OPCML: variants seen among roughly 807,000 people sequenced by gnomAD.
The protein encoded by OPCML is opioid-binding protein/cell adhesion molecule.
Under a neutral mutation model 37.8 loss-of-function variants are expected in OPCML, and 13 were observed. The ratio of observed to expected loss-of-function variants is 0.34; its 90% confidence interval spans 0.22 to 0.55. The LOEUF is 0.55. OPCML is among the 20% of genes least tolerant of loss of function. OPCML has a pLI of 0.91. For missense variants in OPCML, 341 were observed against 435.6 expected, an observed-to-expected ratio of 0.78 and a Z score of 1.93; for synonymous variants, 176 against 168.8, an observed-to-expected ratio of 1.04 and a Z score of -0.33.
chr11:133,205,220 G>C lies in OPCML; in HGVS notation c.62-262210C>G, dbSNP rs959417844. 6.6e-6 allele frequency among the ~76,000 whole-genome samples: 1 copy of C among 152,006 alleles called. No homozygotes were observed. Among genetic ancestry groups the C allele is most frequent in the South Asian group, 2.1e-4 (1 of 4,812 alleles). The stretch of plus-strand genomic sequence containing the variant: ...CTTTGATAAAAAACCCAAAAGGCAG[G>C]GTTTGAAGAGCTTCTGGTTGCTGAA... On this transcript the variant is annotated intron_variant, in intron 1 of 7. Coordinates refer to ENST00000524381, the MANE Select transcript of OPCML (RefSeq NM_001012393.5). The surrounding 1 kb of genome is among the most constrained non-coding windows in gnomAD (Gnocchi z 4.8).
chr11:133,099,607 T>C (rs1246363921), intron 1 of OPCML, among the ~76,000 whole-genome samples: 1 of 152,040 alleles, frequency 6.6e-6, no homozygotes, highest in Non-Finnish European at 1.5e-5. Flanking sequence ...ATAACAGCCA[T>C]TCTGACCTGG....
intron 1 of OPCML, among the ~76,000 whole-genome samples, chr11:133,442,726 CGTGTGTGTGTGT>C (rs371441649): frequency 8.5e-5 from 12 of 141,350 alleles, no homozygotes; most frequent in South Asian, 2.4e-4. Flanking sequence ...CATATTTAAA[CGTGTGTGTGTGT>C]GTGTGTGTGT....
At chr11:133,158,207 G>A (rs1432529238) in intron 1 of OPCML, among the ~76,000 whole-genome samples, 1 of 152,098 alleles carries the variant, frequency 6.6e-6, no homozygotes, top group Non-Finnish European at 1.5e-5. Flanking sequence ...AGAAGGTGTG[G>A]CAAGTCCCTT....
At chr11:132,749,805 T>C (rs1171070147) in intron 2 of OPCML, among the ~76,000 whole-genome samples, 1 of 152,184 alleles carries the variant, frequency 6.6e-6, no homozygotes, top group South Asian at 2.1e-4. Flanking sequence ...TGGGTCCAAG[T>C]GAAGAAACAG....
chr11:132,722,953 G>A (rs1405835096), intron 2 of OPCML, among the ~76,000 whole-genome samples: 1 of 152,200 alleles, frequency 6.6e-6, no homozygotes, highest in African/African-American at 2.4e-5. Flanking sequence ...AGGGGACAGT[G>A]AGAGATGGAG....
At chr11:133,490,378 CA>C (rs1471445396) in intron 1 of OPCML, among the ~76,000 whole-genome samples, 2 of 152,154 alleles carry the variant, frequency 1.3e-5, no homozygotes, top group Admixed American at 6.5e-5. Context: ...TATACTTGAA[CA>C]TTGTATATTC....
chr11:132,769,063 G>A (rs1946550666), intron 2 of OPCML, among the ~76,000 whole-genome samples: 2 of 151,572 alleles, frequency 1.3e-5, no homozygotes, highest in Admixed American at 6.6e-5. Flanking sequence ...TCTGTGAGGT[G>A]AGGAGGCTGC....
At chr11:133,526,446 G>A (rs1163879771) in intron 1 of OPCML, among the ~76,000 whole-genome samples, 2 of 152,204 alleles carry the variant, frequency 1.3e-5, no homozygotes, top group Non-Finnish European at 2.9e-5. Flanking sequence ...GCAGGAAGGG[G>A]CATGCATCTA....
At chr11:133,520,718 A>G (rs1373923609) in intron 1 of OPCML, among the ~76,000 whole-genome samples, 1 of 152,184 alleles carries the variant, frequency 6.6e-6, no homozygotes, top group East Asian at 1.9e-4. Context: ...GGCAGGCATT[A>G]TCAGCCAGGC....
intron 4 of OPCML, among the ~76,000 whole-genome samples, chr11:132,489,927 G>A (rs949048484): frequency 2.6e-5 from 4 of 152,116 alleles, no homozygotes; most frequent in Admixed American, 6.5e-5. Context: ...ATTTATGAGT[G>A]AGAACATGCA....
At chr11:132,765,951 A>T (rs1334269859) in intron 2 of OPCML, among the ~76,000 whole-genome samples, 1 of 152,190 alleles carries the variant, frequency 6.6e-6, no homozygotes, top group Non-Finnish European at 1.5e-5. Context: ...ATGTGCAAAA[A>T]ATAATGAGCA....
chr11:132,424,871 A>G (rs1189141122), intron 7 of OPCML, among the ~76,000 whole-genome samples: 1 of 152,196 alleles, frequency 6.6e-6, no homozygotes, highest in Non-Finnish European at 1.5e-5. Flanking sequence ...GCTTGTTTAG[A>G]TAGTTCCAAA....
chr11:133,157,247 C>G (rs1165245680), intron 1 of OPCML, among the ~76,000 whole-genome samples: 3 of 152,168 alleles, frequency 2.0e-5, no homozygotes, highest in African/African-American at 7.2e-5. Context: ...AAAACCATCA[C>G]AAGACCTTAC....
chr11:133,093,721 G>A (rs867132906), intron 1 of OPCML, among the ~76,000 whole-genome samples: 2 of 152,046 alleles, frequency 1.3e-5, no homozygotes, highest in East Asian at 1.9e-4. Flanking sequence ...GTGTCTGACT[G>A]ACGTTGAATA....
At chr11:133,457,932 G>A (rs531750437) in intron 1 of OPCML, among the ~76,000 whole-genome samples, 6 of 151,980 alleles carry the variant, frequency 3.9e-5, no homozygotes, top group Non-Finnish European at 8.8e-5. Flanking sequence ...GGGTCATGAG[G>A]TCAGGAGTTC....
chr11:132,944,809 A>G (rs753492968), intron 1 of OPCML, among the ~76,000 whole-genome samples: 2 of 152,322 alleles, frequency 1.3e-5, no homozygotes, highest in Non-Finnish European at 2.9e-5. Flanking sequence ...CTCCCCTGGC[A>G]GAAGCCTCCC....
At chr11:133,062,914 G>A (rs1948374835) in intron 1 of OPCML, among the ~76,000 whole-genome samples, 1 of 152,260 alleles carries the variant, frequency 6.6e-6, no homozygotes, top group South Asian at 2.1e-4. Flanking sequence ...CCAGCCGGCA[G>A]CTGCAGCGCT....
chr11:132,806,650 A>G (rs73039421), intron 2 of OPCML, among the ~76,000 whole-genome samples: 33,743 of 151,926 alleles, frequency 0.22, 4,709 homozygotes, highest in Non-Finnish European at 0.33. Context: ...CAAATCTACA[A>G]CTAAAGTTGG....
intron 1 of OPCML, among the ~76,000 whole-genome samples, chr11:133,358,837 G>A (rs1944350476): frequency 6.6e-6 from 1 of 152,138 alleles, no homozygotes; most frequent in Non-Finnish European, 1.5e-5. Context: ...CCTGCTGGAG[G>A]TGTTCCCCCC....
Sources: allele counts gnomAD v4.1 joint callset (sites outside exome capture counted in the v4.1 genomes callset), GRCh38; gene constraint gnomAD v4.1.1; non-coding constraint Gnocchi (gnomAD v3.1); transcripts MANE v1.5; gene names NCBI Gene and HGNC (gene_info 2026-07-23, HGNC 2026-07-21).